Variants in DTD1 observed in about 807,000 individuals in gnomAD.
DTD1 encodes D-tyrosyl-tRNA deacylase 1 homolog.
A neutral mutation model predicts 25.6 loss-of-function variants in DTD1; 13 were observed. The ratio of observed to expected loss-of-function variants is 0.51; its 90% confidence interval spans 0.33 to 0.81. DTD1 has a LOEUF of 0.81. DTD1 is among the 30% of genes least tolerant of loss of function. The pLI, the probability that DTD1 is intolerant of heterozygous loss-of-function variation, is 0.02. For missense variants in DTD1, 193 were observed against 266.4 expected, an observed-to-expected ratio of 0.72 and a Z score of 1.92; for synonymous variants, 110 against 103.6, an observed-to-expected ratio of 1.06 and a Z score of -0.37.
chr20:18,690,995 C>A (rs1037091649), intron 4 of DTD1, among the ~76,000 whole-genome samples: 3 of 152,102 alleles, frequency 2.0e-5, no homozygotes, highest in South Asian at 2.1e-4. Context: ...ATATGCATGG[C>A]CAACAAACGT....
Position 18,628,218 on chromosome 20 carries a change from C to T in DTD1, c.462C>T (p.Thr154=). 1 of 1,613,482 alleles carries T rather than the reference C, an allele frequency of 6.2e-7. No homozygotes were observed. The highest frequency in any genetic ancestry group is 8.5e-7 in the Non-Finnish European group (1 of 1,179,552). The change falls in exon 4 of 6, where the codon ACC becomes ACT. Residue 154 remains threonine, a synonymous_variant. Coordinates refer to ENST00000377452, the MANE Select transcript of DTD1 (RefSeq NM_080820.6). ...AATCGCCAGCTCCCGGCACTGCTAC[C>T]TCTGACCCAAAGCAGGTAAGCCTGG... ...ELESPAPGTA[T]SDPKQLSKLE...
At chr20:18,760,477 T>C (rs949796668) in intron 5 of DTD1, among the ~76,000 whole-genome samples, 9 of 152,208 alleles carry the variant, frequency 5.9e-5, no homozygotes, top group African/African-American at 1.7e-4. Flanking sequence ...GCTGCAGGTC[T>C]GTTGGAGTTT....
intron 4 of DTD1, among the ~76,000 whole-genome samples, chr20:18,679,896 TG>T (rs944609907): frequency 6.6e-6 from 1 of 152,208 alleles, no homozygotes; most frequent in Non-Finnish European, 1.5e-5. Flanking sequence ...CTCTCTATGG[TG>T]GTTCCTGGGG....
chr20:18,741,428 G>A (rs534134583), intron 4 of DTD1, among the ~76,000 whole-genome samples: 100 of 152,302 alleles, frequency 6.6e-4, no homozygotes, highest in African/African-American at 2.0e-3. Context: ...CGTGCATTTT[G>A]TGGAGTGCAC....
intron 5 of DTD1, among the ~76,000 whole-genome samples, chr20:18,746,648 T>G (rs1255373084): frequency 6.6e-6 from 1 of 152,208 alleles, no homozygotes; most frequent in East Asian, 1.9e-4. Context: ...TGAGCCATGA[T>G]TGCAGCACTG....
chr20:18,701,590 C>T (rs1045988885), intron 4 of DTD1, among the ~76,000 whole-genome samples: 1 of 152,198 alleles, frequency 6.6e-6, no homozygotes, highest in African/African-American at 2.4e-5. Context: ...TTCTATTGCA[C>T]TATGTGAGCT....
chr20:18,649,394 A>G (rs1255369603), intron 4 of DTD1, among the ~76,000 whole-genome samples: 2 of 118,300 alleles, frequency 1.7e-5, no homozygotes, highest in Non-Finnish European at 3.2e-5. Flanking sequence ...GATGGAGTGC[A>G]GTGGCGCGAT....
rs183977451 is a variant in DTD1, at chr20:18,749,873, A to G, written c.*19+5602A>G. 3.3e-5 allele frequency among the ~76,000 whole-genome samples: 5 copies of G among 152,320 alleles called. No individual in the cohort carries two copies. Among genetic ancestry groups the G allele is most frequent in the Admixed American group, 3.3e-4 (5 of 15,304 alleles). ...CATGGAGGCTCATGAACAAGTTTAG[A>G]TCGGCCCATGAAAGACAGAGGCCAC... On this transcript the variant is annotated intron_variant, in intron 5 of 5. Coordinates refer to ENST00000377452, the MANE Select transcript of DTD1 (RefSeq NM_080820.6). This position sits in a 1 kb window ranked among gnomAD's most constrained non-coding sequence, Gnocchi z 4.2.
intron 3 of DTD1, among the ~76,000 whole-genome samples, chr20:18,625,009 T>C (rs1391956350): frequency 6.6e-6 from 1 of 152,180 alleles, no homozygotes; most frequent in African/African-American, 2.4e-5. Context: ...GTATTTTGGG[T>C]CCTCCAATCC....
intron 4 of DTD1, among the ~76,000 whole-genome samples, chr20:18,683,701 G>T (rs2061005821): frequency 6.6e-6 from 1 of 152,200 alleles, no homozygotes. Flanking sequence ...TGCAGTTTAT[G>T]CTCCCATTCA....
At chr20:18,717,076 T>G (rs1428313864) in intron 4 of DTD1, among the ~76,000 whole-genome samples, 1 of 152,170 alleles carries the variant, frequency 6.6e-6, no homozygotes, top group Non-Finnish European at 1.5e-5. Flanking sequence ...GGCACTTTGT[T>G]TGGGTCTCAC....
chr20:18,632,489 C>T, intron 4 of DTD1: 1 of 985,422 alleles, frequency 1.0e-6, no homozygotes, highest in Non-Finnish European at 1.2e-6. Flanking sequence ...GAAGGAGTTT[C>T]CTCTTGGAGC....
rs57780175 is a variant in DTD1, at chr20:18,648,995, C to CAAAAAA, written c.477+20781_477+20786dup. Among the ~76,000 whole-genome samples, 362 of 56,242 alleles carry CAAAAAA rather than the reference C, an allele frequency of 6.4e-3. 15 individuals are homozygous for CAAAAAA. Among genetic ancestry groups the CAAAAAA allele is most frequent in the South Asian group, 8.6e-3 (9 of 1,044 alleles). 36.9% of individuals were successfully genotyped at this position (56,242 alleles called of 152,430 possible). A position where few individuals can be genotyped will look rare whatever the true frequency, so the allele number is the denominator to read the frequency against. On this transcript the variant is annotated intron_variant, in intron 4 of 5. Transcript: ENST00000377452. ...TGGGCAACAGAGAAAGACTCCATCT[C>CAAAAAA]AAAAAAAAAAAAAAAAAAAAAAAAG...
chr20:18,680,822 T>A (rs1167414709), intron 4 of DTD1, among the ~76,000 whole-genome samples: 2 of 152,178 alleles, frequency 1.3e-5, no homozygotes, highest in African/African-American at 4.8e-5. Context: ...TCAGAGTAGA[T>A]GACGGGTTAA....
chr20:18,706,460 T>C (rs2061126880), intron 4 of DTD1, among the ~76,000 whole-genome samples: 1 of 152,240 alleles, frequency 6.6e-6, no homozygotes, highest in African/African-American at 2.4e-5. Context: ...AATCATCTTT[T>C]GATCTCCAGT....
At chr20:18,691,216 A>C (rs1199141805) in intron 4 of DTD1, among the ~76,000 whole-genome samples, 2 of 152,252 alleles carry the variant, frequency 1.3e-5, no homozygotes, top group Non-Finnish European at 2.9e-5. Flanking sequence ...TTTCTCAAAG[A>C]ACTTAGAACT....
intron 4 of DTD1, among the ~76,000 whole-genome samples, chr20:18,636,132 T>C (rs2060806621): frequency 6.6e-6 from 1 of 152,218 alleles, no homozygotes; most frequent in Non-Finnish European, 1.5e-5. Context: ...TTTAATCTTA[T>C]AATCTCATTT....
chr20:18,680,734 T>G (rs921885773), intron 4 of DTD1, among the ~76,000 whole-genome samples: 4 of 152,102 alleles, frequency 2.6e-5, no homozygotes, highest in Non-Finnish European at 4.4e-5. Context: ...ACACAGCTAT[T>G]TTCTTACTGT....
intron 4 of DTD1, among the ~76,000 whole-genome samples, chr20:18,732,163 C>T (rs2061240855): frequency 6.6e-6 from 1 of 152,168 alleles, no homozygotes; most frequent in Non-Finnish European, 1.5e-5. Context: ...AAGGTATAGA[C>T]CAAGTGGGAG....
Sources: gnomAD v4.1 joint callset for allele counts (sites outside exome capture counted in the v4.1 genomes callset) on GRCh38, gnomAD v4.1.1 for gene constraint, Gnocchi (gnomAD v3.1) non-coding constraint, MANE v1.5 for transcripts, NCBI Gene and HGNC (gene_info 2026-07-23, HGNC 2026-07-21) for gene names.